The following SH3PXD2B variants were observed in gnomAD, a reference collection of about 807,000 sequenced individuals.
The protein encoded by SH3PXD2B is SH3 and PX domains 2B.
In SH3PXD2B, 37 loss-of-function variants were observed where a neutral mutation model predicts 73.1. That is an observed-to-expected ratio of 0.51 (90% CI 0.39 to 0.67). The LOEUF is 0.67. Ranked by LOEUF, SH3PXD2B falls within the 30% of genes least tolerant of loss-of-function variation. SH3PXD2B has a pLI of 0.00. For synonymous variants in SH3PXD2B, 457 were observed against 480.5 expected (o/e 0.95, Z 0.64); for missense variants, 1,053 against 1,197.8 (o/e 0.88, Z 1.78).
At chr5:172,454,016 T>C (rs1261929396) in intron 1 of SH3PXD2B, among the ~76,000 whole-genome samples, 1 of 139,696 alleles carries the variant, frequency 7.2e-6, no homozygotes, top group Non-Finnish European at 1.5e-5. Context: ...CAGAAAGGGG[T>C]AGAGGAGCCG....
chr5:172,419,415 A>C (rs2113458647), intron 2 of SH3PXD2B, among the ~76,000 whole-genome samples: 1 of 152,250 alleles, frequency 6.6e-6, no homozygotes, highest in Middle Eastern at 3.4e-3. Flanking sequence ...ACTATGATCC[A>C]GGGCCCTTAG....
At position 172,429,364 on chromosome 5, in the gene SH3PXD2B, TAAGG is replaced by T. The variant is rs562393450; in HGVS notation, c.76-6872_76-6869del. 4.4e-3 allele frequency among the ~76,000 whole-genome samples: 666 copies of T among 152,202 alleles called. 6 individuals carry two copies. The highest frequency in any genetic ancestry group is 0.015 in the African/African-American group (638 of 41,520). On this transcript the variant is annotated intron_variant, in intron 1 of 12. Coordinates refer to ENST00000311601, the MANE Select transcript of SH3PXD2B (RefSeq NM_001017995.3). Reference sequence around the variant, plus strand: ...TTTTGGGGGAGCAGCTGGGACTGCTTAAGGAACAAGGAAGCACAGAAACCACAAC... The same window carrying T: ...TTTTGGGGGAGCAGCTGGGACTGCTTAACAAGGAAGCACAGAAACCACAAC...
At chr5:172,406,018 T>C (rs576419274) in intron 3 of SH3PXD2B, among the ~76,000 whole-genome samples, 28 of 152,220 alleles carry the variant, frequency 1.8e-4, no homozygotes, top group Non-Finnish European at 2.9e-4. Flanking sequence ...TGTTCCATTA[T>C]TGGAATGCTA....
chr5:172,340,383 G>A (rs539751722), intron 12 of SH3PXD2B, among the ~76,000 whole-genome samples: 1 of 152,244 alleles, frequency 6.6e-6, no homozygotes, highest in African/African-American at 2.4e-5. Context: ...CCCTACCCAG[G>A]GTATTAACTC....
At chr5:172,408,684 G>A (rs547648663) in intron 2 of SH3PXD2B, among the ~76,000 whole-genome samples, 8 of 151,550 alleles carry the variant, frequency 5.3e-5, no homozygotes, top group Admixed American at 2.0e-4. Context: ...GATTACAGGC[G>A]CCTGCCTAAC....
intron 12 of SH3PXD2B, among the ~76,000 whole-genome samples, chr5:172,344,519 C>T (rs774051689): frequency 2.4e-5 from 3 of 124,550 alleles, no homozygotes; most frequent in Non-Finnish European, 3.2e-5. Flanking sequence ...ACCTGGGAGG[C>T]GGAGGTTGCA....
At chr5:172,345,423 C>A (rs1382377247) in intron 12 of SH3PXD2B, among the ~76,000 whole-genome samples, 1 of 152,116 alleles carries the variant, frequency 6.6e-6, no homozygotes, top group East Asian at 1.9e-4. Flanking sequence ...CTTGGCCTCC[C>A]AAGGTGAGGT....
chr5:172,453,907 A>C (rs1759861394), intron 1 of SH3PXD2B, among the ~76,000 whole-genome samples: 1 of 152,138 alleles, frequency 6.6e-6, no homozygotes, highest in Admixed American at 6.5e-5. Context: ...GAGAACAGGC[A>C]CTTCTGTCTC....
At position 172,376,218 on chromosome 5, in the gene SH3PXD2B, G is replaced by A. The variant is rs185481444; in HGVS notation, c.402-2403C>T. Among the ~76,000 whole-genome samples, 242 of 151,996 alleles carry A rather than the reference G, an allele frequency of 1.6e-3. 1 individual carries two copies. Among genetic ancestry groups the A allele is most frequent in the African/African-American group, 5.5e-3 (230 of 41,452 alleles). On this transcript the variant is annotated intron_variant, in intron 5 of 12. Transcript: ENST00000311601. ...CTCTTTTTGTATTTTTAGTAGAGAC[G>A]GGGTTTTGCTATGTTGGCCAGGCTG...
Position 172,353,292 on chromosome 5 carries a change from C to A in SH3PXD2B, c.785+596G>T, listed in dbSNP as rs910125661. Among the ~76,000 whole-genome samples, 1 of 152,198 alleles carries A rather than the reference C, an allele frequency of 6.6e-6. No homozygotes were observed. Among genetic ancestry groups the A allele is most frequent in the South Asian group, 2.1e-4 (1 of 4,830 alleles). ...TTGCCCTAATTTCCCATGGTCACAT[C>A]CTGCCTATTGGGGGTGATCAAGGAG... is the stretch of plus-strand genomic sequence containing the variant. On this transcript the variant is annotated intron_variant, in intron 9 of 12. Transcript: ENST00000311601. This position sits in a 1 kb window ranked among gnomAD's most constrained non-coding sequence, Gnocchi z 4.3.
chr5:172,427,879 G>A (rs1241941283), intron 1 of SH3PXD2B, among the ~76,000 whole-genome samples: 1 of 151,238 alleles, frequency 6.6e-6, no homozygotes, highest in Non-Finnish European at 1.5e-5. Flanking sequence ...CCGGGTTCAA[G>A]CAATTCTCTG....
In SH3PXD2B at chr5:172,447,166, G is replaced by A. The variant is rs866288406; in HGVS notation, c.75+7112C>T. ...AATATGTGTTCATTGCAGAACATTC[G>A]GAAAAGAGAAAAGCACAGAAAAGCA... On this transcript the variant is annotated intron_variant, in intron 1 of 12. Transcript: ENST00000311601. Among the ~76,000 whole-genome samples, 7 of 151,726 alleles carry A rather than the reference G, an allele frequency of 4.6e-5. No individual in the cohort carries two copies. The South Asian group carries it at 1.5e-3, about 32-fold the overall frequency.
intron 2 of SH3PXD2B, among the ~76,000 whole-genome samples, chr5:172,419,513 G>A (rs1758907930): frequency 6.6e-6 from 1 of 152,178 alleles, no homozygotes; most frequent in South Asian, 2.1e-4. Flanking sequence ...GCAGCTCCAG[G>A]TGGAAGGTGC....
chr5:172,370,537 C>T (rs562662201), intron 6 of SH3PXD2B, among the ~76,000 whole-genome samples: 44 of 152,296 alleles, frequency 2.9e-4, no homozygotes, highest in African/African-American at 1.1e-3. Context: ...TTGGCTGGAG[C>T]ACACCCCGGA....
rs746018462 is a variant in SH3PXD2B at position 172,335,685 on chromosome 5, C to T, written c.*2684G>A. 7.5e-4 allele frequency: 924 copies of T among 1,231,650 alleles called. 1 individual carries two copies. Among genetic ancestry groups the T allele is most frequent in the Non-Finnish European group, 8.7e-4 (855 of 987,992 alleles). The allele number at this position is 1,231,650 out of a possible 1,614,324, so 76.3% of individuals were successfully genotyped here. ...CAGGGGAGTTCTGCATATGCGCCAT[C>T]AATCGCTCACAGAATAGCGACCACA... On this transcript the variant is annotated 3_prime_UTR_variant, in exon 13 of 13. Coordinates refer to ENST00000311601, the MANE Select transcript of SH3PXD2B (RefSeq NM_001017995.3).
intron 1 of SH3PXD2B, among the ~76,000 whole-genome samples, chr5:172,450,495 T>C (rs1759771122): frequency 6.6e-6 from 1 of 152,184 alleles, no homozygotes; most frequent in African/African-American, 2.4e-5. Context: ...GAATATTGTA[T>C]TACTATATTG....
At position 172,338,257 on chromosome 5, in the gene SH3PXD2B, A is replaced by G; in HGVS notation, c.*112T>C. On this transcript the variant is annotated 3_prime_UTR_variant, in exon 13 of 13. Coordinates refer to ENST00000311601, the MANE Select transcript of SH3PXD2B (RefSeq NM_001017995.3). This position sits in a 1 kb window ranked among gnomAD's most constrained non-coding sequence, Gnocchi z 5.1. ...GGGAGGCAAGAAGTCACAGTACCCC[A>G]GAGTCTGTCTGCCTTGGAAGCTGCG... The G allele has an allele frequency of 3.8e-6, 6 of 1,592,850 alleles. No individual in the cohort carries two copies. Among genetic ancestry groups the G allele is most frequent in the Non-Finnish European group, 5.1e-6 (6 of 1,171,374 alleles).
chr5:172,344,566 C>T (rs944955713), intron 12 of SH3PXD2B, among the ~76,000 whole-genome samples: 3 of 110,024 alleles, frequency 2.7e-5, no homozygotes, highest in Non-Finnish European at 5.0e-5. Context: ...CCAGCCTGGG[C>T]AACAGAGGAG....
chr5:172,416,043 T>G (rs1758810802), intron 2 of SH3PXD2B, among the ~76,000 whole-genome samples: 1 of 152,134 alleles, frequency 6.6e-6, no homozygotes, highest in South Asian at 2.1e-4. Flanking sequence ...AAGGGGAACT[T>G]CCAGCCGGGC....
Sources: allele counts gnomAD v4.1 joint callset (sites outside exome capture counted in the v4.1 genomes callset), GRCh38; gene constraint gnomAD v4.1.1; non-coding constraint Gnocchi (gnomAD v3.1); transcripts MANE v1.5; gene names NCBI Gene and HGNC (gene_info 2026-07-23, HGNC 2026-07-21).